PARVB: variants seen among roughly 807,000 people sequenced by gnomAD.
PARVB encodes the protein parvin beta.
Under a neutral mutation model 47.0 loss-of-function variants are expected in PARVB, and 46 were observed. The observed-to-expected ratio is 0.98, with a 90% CI of 0.77 to 1.25. The LOEUF (loss-of-function observed/expected upper bound fraction) is 1.25, where lower values mean the gene tolerates loss of function less well. PARVB is among the 50% of genes most tolerant of loss of function. PARVB has a pLI of 0.00. For synonymous variants in PARVB, 196 were observed against 196.3 expected, an observed-to-expected ratio of 1.00 and a Z score of 0.01; for missense variants, 473 against 471.6, an observed-to-expected ratio of 1.00 and a Z score of -0.03.
intron 1 of PARVB, among the ~76,000 whole-genome samples, chr22:44,092,990 T>C (rs2052208411): frequency 6.6e-6 from 1 of 152,246 alleles, no homozygotes; most frequent in African/African-American, 2.4e-5. Flanking sequence ...CTTTGCAGCA[T>C]GTGATCAGGG....
Position 44,024,307 on chromosome 22 carries a change from C to T in PARVB, c.-33C>T. On this transcript the variant is annotated 5_prime_UTR_variant, in exon 1 of 13. Transcript: ENST00000338758. ...CGGGGCGACCGGGCGGCTCCACACG[C>T]GCTGCGCCCGCCGCCGGCCCCACGC... is the stretch of plus-strand genomic sequence containing the variant. 3 of 999,578 alleles carry T rather than the reference C, an allele frequency of 3.0e-6. No homozygotes were observed. Among genetic ancestry groups the T allele is most frequent in the Non-Finnish European group, 3.6e-6 (3 of 839,436 alleles). 61.9% of individuals were successfully genotyped at this position (999,578 alleles called of 1,614,324 possible). A position where few individuals can be genotyped will look rare whatever the true frequency, so the allele number is the denominator to read the frequency against.
At chr22:44,164,980 G>A (rs922183127) in intron 12 of PARVB, among the ~76,000 whole-genome samples, 3 of 152,048 alleles carry the variant, frequency 2.0e-5, no homozygotes, top group Admixed American at 6.5e-5. Flanking sequence ...CTCCTGTCTC[G>A]TGTGTATGGC....
chr22:44,084,977 C>A (rs776420325), intron 1 of PARVB, among the ~76,000 whole-genome samples: 3 of 152,226 alleles, frequency 2.0e-5, no homozygotes, highest in African/African-American at 7.2e-5. Flanking sequence ...GGCAGAGCCT[C>A]CCTCTGTCTC....
chr22:44,136,507 C>G lies in PARVB; in HGVS notation c.681C>G (p.Thr227=), dbSNP rs1369685780. ...LHSSHISEEL[T]TTTEMMMGRF... ...CCAGCCACATCTCGGAGGAGCTGAC[C>G]ACAACTACAGAGTAAGTGGACCCCT... The change falls in exon 7 of 13, where the codon ACC becomes ACG. Residue 227 remains threonine (T), a synonymous_variant. Coordinates refer to ENST00000338758, the MANE Select transcript of PARVB (RefSeq NM_013327.5). The G allele has an allele frequency of 6.2e-7, 1 of 1,613,848 alleles. No homozygotes were observed. Among genetic ancestry groups the G allele is most frequent in the Admixed American group, 1.7e-5 (1 of 60,014 alleles).
intron 1 of PARVB, chr22:44,081,543 C>T (rs890590177): frequency 2.5e-5 from 24 of 944,970 alleles, no homozygotes; most frequent in African/African-American, 3.5e-5. Flanking sequence ...TTAATTAATA[C>T]GAGTTTCACA....
At chr22:44,165,407 T>A (rs5764106) in intron 12 of PARVB, among the ~76,000 whole-genome samples, 1 of 151,986 alleles carries the variant, frequency 6.6e-6, no homozygotes, top group Non-Finnish European at 1.5e-5. Flanking sequence ...TCAAAGCACA[T>A]GTCCAGCAGG....
rs763800734 is a variant in PARVB at position 44,047,020 on chromosome 22, G to A, written c.112+22569G>A. ...TACAGTTTGTCTTCCTTCCCCCACC[G>A]GCAGAGGTGAAGAGAGGTGTTTTGT... On this transcript the variant is annotated intron_variant, in intron 1 of 12. Transcript: ENST00000338758. Among the ~76,000 whole-genome samples the A allele has an allele frequency of 2.8e-4, 42 of 152,190 alleles. 1 individual carries two copies. Among genetic ancestry groups the A allele is most frequent in the African/African-American group, 5.5e-4 (23 of 41,452 alleles).
At chr22:44,167,275 G>A (rs2054188904) in intron 12 of PARVB, among the ~76,000 whole-genome samples, 1 of 152,192 alleles carries the variant, frequency 6.6e-6, no homozygotes. Context: ...TGGGTGTTTG[G>A]GGAGCACAGA....
At chr22:44,124,105 T>C (rs1348059463) in intron 4 of PARVB, among the ~76,000 whole-genome samples, 1 of 152,192 alleles carries the variant, frequency 6.6e-6, no homozygotes, top group East Asian at 1.9e-4. Flanking sequence ...ATTCCTGCAG[T>C]TTCATTACCT....
chr22:44,136,374 G>C, intron 6 of PARVB, 86 bp from the exon 7 acceptor site: 5 of 1,178,468 alleles, frequency 4.2e-6, no homozygotes, highest in Non-Finnish European at 6.4e-6. Flanking sequence ...GATGATCTCC[G>C]GCCCCGCAGC....
intron 2 of PARVB, among the ~76,000 whole-genome samples, chr22:44,013,063 A>AT (rs2050539795): frequency 6.6e-6 from 1 of 151,814 alleles, no homozygotes; most frequent in South Asian, 2.1e-4. Flanking sequence ...CGCCCGGTTA[A>AT]TTTTTTTGTA....
chr22:44,006,879 C>T (rs1221787648), intron 2 of PARVB, among the ~76,000 whole-genome samples: 1 of 152,178 alleles, frequency 6.6e-6, no homozygotes, highest in Non-Finnish European at 1.5e-5. Flanking sequence ...CTAACATTTC[C>T]TTCTATTTGT....
intron 2 of PARVB, among the ~76,000 whole-genome samples, chr22:44,003,489 T>G (rs985991054): frequency 1.3e-5 from 2 of 152,076 alleles, no homozygotes; most frequent in Non-Finnish European, 2.9e-5. Flanking sequence ...AAAGGCTAAG[T>G]AGGATTCATC....
At chr22:44,101,569 G>A (rs574895067) in intron 3 of PARVB, among the ~76,000 whole-genome samples, 1 of 152,024 alleles carries the variant, frequency 6.6e-6, no homozygotes, top group African/African-American at 2.4e-5. Flanking sequence ...GGTCAACATG[G>A]TGAAACCCTG....
Position 44,136,550 on chromosome 22 carries a change from C to T in PARVB, c.692+32C>T, listed in dbSNP as rs144977622. 1.1e-4 allele frequency: 183 copies of T among 1,595,410 alleles called. No homozygotes were observed. In the African/African-American group the frequency reaches 2.4e-3, roughly 21 times the overall value. On this transcript the variant is annotated intron_variant, in intron 7 of 12. Coordinates refer to ENST00000338758, the MANE Select transcript of PARVB (RefSeq NM_013327.5). ...GGACCCCTGTCTTGCCCTTCCAGGC[C>T]CTGCTGCCCCGAGTGAGTGGGACCC...
chr22:44,118,831 C>G (rs1415101799), intron 3 of PARVB, among the ~76,000 whole-genome samples: 2 of 151,758 alleles, frequency 1.3e-5, no homozygotes, highest in Non-Finnish European at 2.9e-5. Flanking sequence ...GCTGTGCAGC[C>G]CCTGTCTCTG....
At chr22:44,110,701 G>A (rs1423094608) in intron 3 of PARVB, 1 of 152,170 alleles carries the variant, frequency 6.6e-6, no homozygotes, top group African/African-American at 2.4e-5. Flanking sequence ...CCAGGTTCCA[G>A]AGATTCTCCT....
rs2146971643 is a variant in PARVB at position 44,068,052 on chromosome 22, C to T, written c.113-25876C>T. 6.6e-6 allele frequency among the ~76,000 whole-genome samples: 1 copy of T among 152,298 alleles called. No individual in the cohort carries two copies. The highest frequency in any genetic ancestry group is 2.1e-4 in the South Asian group (1 of 4,832). ...CTGCCCCAGAGCCCCGCCTGGAGCACCTGCTGGGTCGGGACATGGGCCTCC... is the reference window on the plus strand; with the variant it reads ...CTGCCCCAGAGCCCCGCCTGGAGCATCTGCTGGGTCGGGACATGGGCCTCC... On this transcript the variant is annotated intron_variant, in intron 1 of 12. Transcript: ENST00000338758. This position sits in a 1 kb window ranked among gnomAD's most constrained non-coding sequence, Gnocchi z 4.1.
intron 2 of PARVB, among the ~76,000 whole-genome samples, chr22:44,018,380 C>T (rs940085230): frequency 4.7e-4 from 72 of 152,144 alleles, no homozygotes; most frequent in Non-Finnish European, 4.6e-4. Context: ...CCAGCCTGGG[C>T]GACAAGAATG....
Sources: allele counts gnomAD v4.1 joint callset (sites outside exome capture counted in the v4.1 genomes callset), GRCh38; gene constraint gnomAD v4.1.1; non-coding constraint Gnocchi (gnomAD v3.1); transcripts MANE v1.5; gene names NCBI Gene and HGNC (gene_info 2026-07-23, HGNC 2026-07-21).